Variants in IL3RA observed in about 807,000 individuals in gnomAD.
The protein encoded by IL3RA is interleukin-3 receptor subunit alpha.
A neutral mutation model predicts 52.3 loss-of-function variants in IL3RA; 73 were observed. The observed-to-expected ratio is 1.40, with a 90% CI of 1.16 to 1.70. IL3RA has a LOEUF of 1.70. Ranked by LOEUF, IL3RA falls within the 40% of genes most tolerant of loss-of-function variation. The pLI, the probability that IL3RA is intolerant of heterozygous loss-of-function variation, is 0.00. For missense variants in IL3RA, 664 were observed against 504.4 expected, an observed-to-expected ratio of 1.32 and a Z score of -3.03; for synonymous variants, 260 against 194.0, an observed-to-expected ratio of 1.34 and a Z score of -2.83.
At chrX:1,345,077 G>C (rs1348927426) in intron 2 of IL3RA, among the ~76,000 whole-genome samples, 29 of 151,344 alleles carry the variant, frequency 1.9e-4, no homozygotes, top group African/African-American at 6.6e-4. Context: ...GCTGAGGCAG[G>C]AGAGTTGCTT....
chrX:1,357,794 G>GT (rs1180616741), intron 7 of IL3RA, among the ~76,000 whole-genome samples: 11,444 of 139,912 alleles, frequency 0.082, 724 homozygotes, highest in African/African-American at 0.17. Context: ...ATCTGTTTGG[G>GT]TTTTTTTTTT....
chrX:1,342,693 T>G (rs1209029792), intron 2 of IL3RA, among the ~76,000 whole-genome samples: 1 of 150,844 alleles, frequency 6.6e-6, no homozygotes. Context: ...CCCAAGCACC[T>G]GGGATTACAG....
At chrX:1,361,561 C>A (rs1202451935) in intron 8 of IL3RA, among the ~76,000 whole-genome samples, 2 of 151,824 alleles carry the variant, frequency 1.3e-5, no homozygotes, top group African/African-American at 4.8e-5. Flanking sequence ...ACCAGCCTGG[C>A]CAACATGGTG....
rs759543510 is a variant in IL3RA, at chrX:1,352,379, C to T, written c.489C>T (p.Ile163=). 1.4e-5 allele frequency: 22 copies of T among 1,613,730 alleles called. No individual in the cohort carries two copies. The highest frequency in any genetic ancestry group is 2.2e-5 in the East Asian group (1 of 44,884). Residue 163 remains isoleucine (I), a synonymous_variant, in exon 6 of 12, where the codon ATC becomes ATT. Transcript: ENST00000331035. Reference sequence around the variant, plus strand: ...AAACGGATGCTCAGGGAACACGTATCGGGTGTCGTTTCGATGACATCTCTC... The same window carrying T: ...AAACGGATGCTCAGGGAACACGTATTGGGTGTCGTTTCGATGACATCTCTC... ...HYKTDAQGTR[I]GCRFDDISRL...
intron 1 of IL3RA, among the ~76,000 whole-genome samples, chrX:1,340,185 G>A (rs1362955245): frequency 2.1e-5 from 3 of 140,242 alleles, no homozygotes; most frequent in African/African-American, 5.2e-5. Context: ...GCGCCATCTC[G>A]GCTCACTGCA....
chrX:1,361,159 T>TTCTCTGTCTCTCTCTCCCTTCCCC (rs2087302942), intron 8 of IL3RA, among the ~76,000 whole-genome samples: 2 of 31,046 alleles, frequency 6.4e-5, no homozygotes, highest in Admixed American at 7.0e-4. Context: ...CTCCCTTTCC[T>TTCTCTGTCTCTCTCTCCCTTCCCC]TCTCTGTCTC....
At chrX:1,381,976 T>G (rs2089198673) in intron 11 of IL3RA, among the ~76,000 whole-genome samples, 1 of 150,430 alleles carries the variant, frequency 6.6e-6, no homozygotes, top group African/African-American at 2.4e-5. Context: ...GACGCAGTTT[T>G]GTTCGTTGCC....
intron 4 of IL3RA, among the ~76,000 whole-genome samples, chrX:1,349,200 T>C (rs769475188): frequency 1.3e-5 from 2 of 150,962 alleles, no homozygotes; most frequent in South Asian, 4.2e-4. Context: ...TTTTTTTTTT[T>C]AGACAGAGTC....
intron 6 of IL3RA, 29 bp from the exon 7 acceptor site, chrX:1,356,188 CCTAA>C: frequency 4.7e-6 from 5 of 1,054,126 alleles, no homozygotes; most frequent in Non-Finnish European, 6.9e-6. Flanking sequence ...TTCTTGTACT[CCTAA>C]ATCCTAAAAG....
intron 9 of IL3RA, among the ~76,000 whole-genome samples, chrX:1,367,476 GGGGTGCGCGGGGTGAGCC>G (rs1199731865): frequency 7.7e-5 from 5 of 65,198 alleles, no homozygotes; most frequent in Admixed American, 2.7e-4. Flanking sequence ...CGGGGTGAGC[GGGGTGCGCGGGGTGAGCC>G]GGGTGCGCGG....
rs769399948 is a variant in IL3RA, at chrX:1,352,185, G to C, written c.384G>C (p.Pro128=). 3.7e-6 allele frequency: 6 copies of C among 1,613,660 alleles called. No individual in the cohort carries two copies. Among genetic ancestry groups the C allele is most frequent in the South Asian group, 2.2e-5 (2 of 91,074 alleles). ...TGAGCTGCAGCTGGGCGGTAGGCCC[G>C]GGGGCCCCCGCGGACGTCCAGTACG... ...DFLSCSWAVG[P]GAPADVQYDL... The change falls in exon 5 of 12, where the codon CCG becomes CCC. Residue 128 remains proline (P), a synonymous_variant. Transcript: ENST00000331035.
At chrX:1,361,477 C>T (rs1196426190) in intron 8 of IL3RA, among the ~76,000 whole-genome samples, 11 of 152,198 alleles carry the variant, frequency 7.2e-5, no homozygotes, top group South Asian at 2.1e-4. Context: ...AGTCGCCGGG[C>T]GCAGTGACTC....
intron 4 of IL3RA, 105 bp downstream of exon 4, chrX:1,348,650 C>CTTTCTTTCT (rs1285548626): frequency 2.5e-5 from 9 of 357,384 alleles, no homozygotes; most frequent in Non-Finnish European, 4.2e-5. Context: ...TTTTCTCTTT[C>CTTTCTTTCT]TTTCTTTCTT....
At chrX:1,337,955 A>G (rs1388137623) in intron 1 of IL3RA, among the ~76,000 whole-genome samples, 3 of 148,632 alleles carry the variant, frequency 2.0e-5, no homozygotes, top group African/African-American at 7.5e-5. Flanking sequence ...AGGAACAAGC[A>G]GCTTTATTCA....
Position 1,348,604 on chromosome X carries a change from CTCCCTCTCGCCT to C in IL3RA, c.298+62_298+73del, listed in dbSNP as rs1159930571. ...ATTCCCTCCCTCCTTCCCTCTCTCC[CTCCCTCTCGCCT>C]TCGCTGTGTCTTTTTTCTTTTCTTT... On this transcript the variant is annotated intron_variant, in intron 4 of 11. Transcript: ENST00000331035. 11 of 1,193,148 alleles carry C rather than the reference CTCCCTCTCGCCT, an allele frequency of 9.2e-6. No individual in the cohort carries two copies. In the African/African-American group the frequency reaches 1.6e-4, roughly 18 times the overall value. 73.9% of individuals were successfully genotyped at this position (1,193,148 alleles called of 1,614,324 possible). A position where few individuals can be genotyped will look rare whatever the true frequency, so the allele number is the denominator to read the frequency against.
At chrX:1,356,014 C>G (rs1366267635) in intron 6 of IL3RA, among the ~76,000 whole-genome samples, 1 of 152,098 alleles carries the variant, frequency 6.6e-6, no homozygotes, top group Admixed American at 6.6e-5. Context: ...CCAAGGCTCA[C>G]TCCTCCCAGT....
At chrX:1,351,490 G>A (rs150400728) in intron 4 of IL3RA, among the ~76,000 whole-genome samples, 4,199 of 150,872 alleles carry the variant, frequency 0.028, 75 homozygotes, top group Middle Eastern at 0.058. Context: ...CATCACGCCC[G>A]GCTAATTTTT....
At chrX:1,348,692 T>TTCTG (rs1401190803) in intron 4 of IL3RA, 147 bp downstream of exon 4, 6 of 280,610 alleles carry the variant, frequency 2.1e-5, no homozygotes, top group Admixed American at 1.4e-4. Flanking sequence ...CTTTCTTTCT[T>TTCTG]TTTCTTTCTT....
chrX:1,356,298 T>A lies in IL3RA; in HGVS notation c.694T>A (p.Phe232Ile). Reference protein sequence around the residue: ...SFMHWKMRSHFNRKFRYELQI... With the variant: ...SFMHWKMRSHINRKFRYELQI... ...TATGCACTGGAAAATGAGAAGTCAT[T>A]TCAATCGCAAATTTCGCTATGAGCT... Residue 232 changes from phenylalanine to isoleucine, a missense_variant, in exon 7 of 12, where the codon TTC becomes ATC. Coordinates refer to ENST00000331035, the MANE Select transcript of IL3RA (RefSeq NM_002183.4). The A allele has an allele frequency of 6.2e-7, 1 of 1,613,540 alleles. No individual in the cohort carries two copies. The highest frequency in any genetic ancestry group is 2.2e-5 in the East Asian group (1 of 44,880).
Sources: allele counts gnomAD v4.1 joint callset (sites outside exome capture counted in the v4.1 genomes callset), GRCh38; gene constraint gnomAD v4.1.1; transcripts MANE v1.5; gene names NCBI Gene and HGNC (gene_info 2026-07-23, HGNC 2026-07-21).